The following RBFOX1 variants were observed in gnomAD, a reference collection of about 807,000 sequenced individuals.
RBFOX1 encodes RNA binding fox-1 homolog 1, also known as RNA binding protein fox-1 homolog 1.
RBFOX1 carries 8 observed loss-of-function variants against 57.7 expected under a neutral mutation model. The ratio of observed to expected loss-of-function variants is 0.14; its 90% CI spans 0.08 to 0.25. RBFOX1 has a LOEUF of 0.25. RBFOX1 is among the 10% of genes least tolerant of loss of function. The pLI, the probability that RBFOX1 is intolerant of heterozygous loss-of-function variation, is 1.00. For missense variants in RBFOX1, 611 were observed against 548.5 expected (o/e 1.11, Z -1.14); for synonymous variants, 326 against 222.4 (o/e 1.47, Z -4.15).
intron 4 of RBFOX1, among the ~76,000 whole-genome samples, chr16:7,317,121 G>A (rs1033210372): frequency 6.6e-6 from 1 of 152,112 alleles, no homozygotes; most frequent in Non-Finnish European, 1.5e-5. Flanking sequence ...GGGGTGTCAA[G>A]TAGGAAGTCA....
chr16:6,808,438 C>G (rs1465628418), intron 3 of RBFOX1, among the ~76,000 whole-genome samples: 2 of 151,990 alleles, frequency 1.3e-5, no homozygotes, highest in African/African-American at 2.4e-5. Flanking sequence ...AGTGAATAAA[C>G]TACATCCCAA....
intron 1 of RBFOX1, among the ~76,000 whole-genome samples, chr16:6,274,570 G>T (rs1241937484): frequency 6.6e-6 from 1 of 152,176 alleles, no homozygotes; most frequent in Non-Finnish European, 1.5e-5. Context: ...TTATGAAAGG[G>T]CAACATGAAG....
In RBFOX1 at chr16:6,388,471, C is replaced by T. The variant is rs2092422105; in HGVS notation, c.-64+71414C>T. On this transcript the variant is annotated intron_variant, in intron 2 of 15. Coordinates refer to ENST00000550418, the MANE Select transcript of RBFOX1 (RefSeq NM_018723.4). ...AAACATGTGTTTGTTTTTATTTTTACTTATTATTTATTATTTTTAATTAAT... is the reference window on the plus strand; with the variant it reads ...AAACATGTGTTTGTTTTTATTTTTATTTATTATTTATTATTTTTAATTAAT... 2.0e-5 allele frequency among the ~76,000 whole-genome samples: 3 copies of T among 152,048 alleles called. 1 individual carries two copies. The highest frequency in any genetic ancestry group is 4.2e-4 in the South Asian group (2 of 4,814).
At chr16:6,791,470 A>G (rs2082928199) in intron 3 of RBFOX1, among the ~76,000 whole-genome samples, 1 of 152,134 alleles carries the variant, frequency 6.6e-6, no homozygotes, top group African/African-American at 2.4e-5. Flanking sequence ...GCGAAAGTAG[A>G]GCATCACGCC....
intron 2 of RBFOX1, among the ~76,000 whole-genome samples, chr16:5,508,116 C>T (rs1485450207): frequency 6.6e-6 from 1 of 152,236 alleles, no homozygotes; most frequent in African/African-American, 2.4e-5. Context: ...CAATAGTATG[C>T]AAACTTGGCA....
At chr16:5,337,012 C>T (rs1025648883) in intron 1 of RBFOX1, among the ~76,000 whole-genome samples, 3 of 152,188 alleles carry the variant, frequency 2.0e-5, no homozygotes, top group African/African-American at 7.2e-5. Context: ...AATTGCTTTC[C>T]AAGCTCCCCT....
intron 3 of RBFOX1, among the ~76,000 whole-genome samples, chr16:7,031,024 G>A (rs939047022): frequency 7.9e-5 from 12 of 152,174 alleles, no homozygotes; most frequent in Admixed American, 7.2e-4. Context: ...TGACCTAGTT[G>A]GTTTGGGATG....
Position 6,829,686 on chromosome 16 carries a change from C to T in RBFOX1, c.-16+175036C>T, listed in dbSNP as rs1352408451. Among the ~76,000 whole-genome samples the T allele has an allele frequency of 5.9e-5, 9 of 152,238 alleles. No individual in the cohort carries two copies. In the East Asian group the frequency reaches 1.5e-3, roughly 26 times the overall value. On this transcript the variant is annotated intron_variant, in intron 3 of 15. Transcript: ENST00000550418. Reference sequence around the variant, plus strand: ...GCGTGATCTTGGCTCACTACAACCTCCGTCTCCTGGGTTCAAGAGATTCTT... The same window carrying T: ...GCGTGATCTTGGCTCACTACAACCTTCGTCTCCTGGGTTCAAGAGATTCTT...
chr16:6,258,763 T>C (rs1476711837), intron 1 of RBFOX1, among the ~76,000 whole-genome samples: 4 of 152,170 alleles, frequency 2.6e-5, no homozygotes, highest in African/African-American at 4.8e-5. Flanking sequence ...GAGAGTTTAG[T>C]TGGATTGTTT....
At chr16:5,687,820 G>T (rs1596758965) in intron 3 of RBFOX1, among the ~76,000 whole-genome samples, 1 of 152,156 alleles carries the variant, frequency 6.6e-6, no homozygotes, top group South Asian at 2.1e-4. Context: ...TGGTCTCAAT[G>T]TTAGGTGGAC....
intron 14 of RBFOX1, among the ~76,000 whole-genome samples, chr16:7,695,958 G>A (rs990146077): frequency 6.6e-6 from 1 of 152,284 alleles, no homozygotes; most frequent in East Asian, 1.9e-4. Flanking sequence ...GCCATCAGGG[G>A]CTTCGGGTGG....
At chr16:6,238,430 T>C (rs559937060) in intron 1 of RBFOX1, among the ~76,000 whole-genome samples, 4 of 152,294 alleles carry the variant, frequency 2.6e-5, no homozygotes, top group African/African-American at 9.6e-5. Context: ...GTGACTCTCC[T>C]CGTAGGATGC....
At chr16:6,242,846 C>G (rs914568301) in intron 1 of RBFOX1, among the ~76,000 whole-genome samples, 1 of 152,038 alleles carries the variant, frequency 6.6e-6, no homozygotes, top group South Asian at 2.1e-4. Flanking sequence ...TGCCTTTAAT[C>G]ACTACACTGA....
chr16:7,368,707 G>C (rs1226830065), intron 4 of RBFOX1, among the ~76,000 whole-genome samples: 3 of 151,598 alleles, frequency 2.0e-5, no homozygotes, highest in South Asian at 4.2e-4. Flanking sequence ...GTGAACCTGG[G>C]AGACAGAGCT....
intron 3 of RBFOX1, among the ~76,000 whole-genome samples, chr16:6,723,551 A>T (rs1568358155): frequency 6.6e-6 from 1 of 152,210 alleles, no homozygotes; most frequent in African/African-American, 2.4e-5. Context: ...GTTCTAACAC[A>T]AGTCATTGGT....
At chr16:6,887,064 C>T (rs1427585911) in intron 3 of RBFOX1, among the ~76,000 whole-genome samples, 1 of 151,968 alleles carries the variant, frequency 6.6e-6, no homozygotes, top group South Asian at 2.1e-4. Context: ...TTGTATTGTC[C>T]AAGTTGGATT....
chr16:7,663,117 C>G (rs1026290056), intron 12 of RBFOX1, among the ~76,000 whole-genome samples: 3 of 152,196 alleles, frequency 2.0e-5, no homozygotes, highest in Non-Finnish European at 4.4e-5. Context: ...GTTTGGGACC[C>G]AAACTAAATA....
chr16:7,533,608 A>T (rs1441966297), intron 5 of RBFOX1, among the ~76,000 whole-genome samples: 1 of 152,222 alleles, frequency 6.6e-6, no homozygotes, highest in East Asian at 1.9e-4. Flanking sequence ...AGATGGGCAA[A>T]ATCATCTAAC....
intron 3 of RBFOX1, among the ~76,000 whole-genome samples, chr16:6,897,051 A>G (rs555851132): frequency 6.6e-6 from 1 of 152,150 alleles, no homozygotes; most frequent in Non-Finnish European, 1.5e-5. Flanking sequence ...AGCTCTCCAC[A>G]CCTTCCTGAA....
Sources: gnomAD v4.1 joint callset for allele counts (sites outside exome capture counted in the v4.1 genomes callset) on GRCh38, gnomAD v4.1.1 for gene constraint, MANE v1.5 for transcripts, NCBI Gene and HGNC (gene_info 2026-07-23, HGNC 2026-07-21) for gene names.